Variants in SIPA1L2 observed in about 807,000 individuals in gnomAD.
The protein encoded by SIPA1L2 is signal induced proliferation associated 1 like 2, also known as signal-induced proliferation-associated 1-like protein 2.
SIPA1L2 carries 56 observed loss-of-function variants against 163.9 expected under a neutral mutation model. That is an observed-to-expected ratio of 0.34 (90% CI 0.28 to 0.43). The LOEUF is 0.43. Ranked by LOEUF, SIPA1L2 falls within the 20% of genes least tolerant of loss-of-function variation. The probability of loss-of-function intolerance (pLI) is 1.00; values close to 1 mark genes in which losing one functional copy is unlikely to be tolerated. For missense variants in SIPA1L2, 1,974 were observed against 2,193.5 expected (o/e 0.90, Z 2.00); for synonymous variants, 877 against 865.7 (o/e 1.01, Z -0.23).
At chr1:232,401,135 T>C (rs1660314375) in intron 22 of SIPA1L2, among the ~76,000 whole-genome samples, 1 of 152,136 alleles carries the variant, frequency 6.6e-6, no homozygotes, top group Non-Finnish European at 1.5e-5. Flanking sequence ...CTCGTCTTGA[T>C]TTCCCGTCTA....
At chr1:232,585,397 C>A (rs1036916131) in intron 1 of SIPA1L2, among the ~76,000 whole-genome samples, 1 of 152,158 alleles carries the variant, frequency 6.6e-6, no homozygotes, top group African/African-American at 2.4e-5. Context: ...AGGATCACCA[C>A]AGAACAATTC....
Position 232,399,139 on chromosome 1 carries a change from G to A in SIPA1L2, c.5157C>T (p.Asp1719=). Residue 1719 remains aspartate (D), a synonymous_variant, in exon 23 of 23, where the codon GAC becomes GAT. Coordinates refer to ENST00000674635, the MANE Select transcript of SIPA1L2 (RefSeq NM_020808.5). ...AGGTGCGGATTGGCTAAGATTTTTT[G>A]TCGATGGTGGTGAAAAACCATTCTG... The part of the protein sequence containing the change: ...KFTEWFFTTI[D]KKS The A allele has an allele frequency of 6.2e-7, 1 of 1,614,066 alleles. No individual in the cohort carries two copies.
intron 3 of SIPA1L2, among the ~76,000 whole-genome samples, chr1:232,501,536 G>A (rs1666481941): frequency 6.6e-6 from 1 of 152,102 alleles, no homozygotes; most frequent in African/African-American, 2.4e-5. Context: ...CCAAATAATG[G>A]GGTGGGGCTG....
intron 2 of SIPA1L2, among the ~76,000 whole-genome samples, chr1:232,544,946 G>A (rs1213658243): frequency 6.6e-6 from 1 of 152,066 alleles, no homozygotes; most frequent in Non-Finnish European, 1.5e-5. Flanking sequence ...CTTTTTAAAG[G>A]CGTTAACAGG....
intron 3 of SIPA1L2, among the ~76,000 whole-genome samples, chr1:232,513,502 G>A (rs1253982289): frequency 6.6e-6 from 1 of 152,154 alleles, no homozygotes; most frequent in Non-Finnish European, 1.5e-5. Flanking sequence ...TTATTCAGAG[G>A]AATAGGAGGA....
At chr1:232,552,151 G>C (rs12561929) in intron 2 of SIPA1L2, among the ~76,000 whole-genome samples, 12 of 152,236 alleles carry the variant, frequency 7.9e-5, no homozygotes, top group Non-Finnish European at 1.5e-4. Context: ...AGAATAGTAA[G>C]TTTTTAAGCC....
chr1:232,511,929 G>A (rs1666997799), intron 3 of SIPA1L2, among the ~76,000 whole-genome samples: 1 of 152,142 alleles, frequency 6.6e-6, no homozygotes, highest in Non-Finnish European at 1.5e-5. Flanking sequence ...TATCATCAGA[G>A]GCAACAGGCA....
intron 8 of SIPA1L2, among the ~76,000 whole-genome samples, chr1:232,468,954 G>A (rs1664661747): frequency 6.6e-6 from 1 of 152,190 alleles, no homozygotes. Context: ...TGGGGGTGTT[G>A]CCTCATTTCT....
At chr1:232,543,551 A>G (rs973123994) in intron 2 of SIPA1L2, among the ~76,000 whole-genome samples, 2 of 152,222 alleles carry the variant, frequency 1.3e-5, no homozygotes, top group Admixed American at 1.3e-4. Flanking sequence ...AGCTTACTGT[A>G]ATGCAAGACT....
At chr1:232,489,929 A>G (rs914882954) in intron 5 of SIPA1L2, among the ~76,000 whole-genome samples, 3 of 152,142 alleles carry the variant, frequency 2.0e-5, no homozygotes, top group Non-Finnish European at 4.4e-5. Context: ...CCTGTTCATC[A>G]TTAACTCTCT....
At chr1:232,431,242 AT>A (rs1414136012) in intron 16 of SIPA1L2, among the ~76,000 whole-genome samples, 2 of 152,154 alleles carry the variant, frequency 1.3e-5, no homozygotes, top group Non-Finnish European at 2.9e-5. Context: ...TCATTCTACC[AT>A]TTTCATTTAT....
At chr1:232,563,955 T>TTTTTG (rs1558270699) in intron 2 of SIPA1L2, among the ~76,000 whole-genome samples, 11 of 116,698 alleles carry the variant, frequency 9.4e-5, no homozygotes, top group African/African-American at 4.0e-4. Context: ...TTTTTTTTTT[T>TTTTTG]CGTGTGTGTG....
intron 1 of SIPA1L2, among the ~76,000 whole-genome samples, chr1:232,576,786 T>C (rs1573112049): frequency 6.6e-6 from 1 of 152,282 alleles, no homozygotes; most frequent in African/African-American, 2.4e-5. Context: ...AACAATCTCG[T>C]TGCTGATACG....
rs1339104962 is a variant in SIPA1L2 at position 232,445,839 on chromosome 1, G to T, written c.3096-53C>A. On this transcript the variant is annotated intron_variant, in intron 10 of 22. Transcript: ENST00000674635. ...AGGGAAGCTCTCAGCTGAGCTGTCA[G>T]CATGGCTTACTCACAGCTGGGCCCC... 3 of 1,577,864 alleles carry T rather than the reference G, an allele frequency of 1.9e-6. No homozygotes were observed. In the African/African-American group the frequency reaches 4.0e-5, roughly 21 times the overall value.
intron 1 of SIPA1L2, among the ~76,000 whole-genome samples, chr1:232,617,777 T>A (rs944614691): frequency 3.3e-5 from 5 of 152,164 alleles, no homozygotes; most frequent in African/African-American, 1.2e-4. Context: ...GCCATATGGG[T>A]GTATGCATTT....
In SIPA1L2 at chr1:232,552,706, A is replaced by G. The variant is rs1183375290; in HGVS notation, c.-270+21468T>C. Among the ~76,000 whole-genome samples the G allele has an allele frequency of 3.9e-5, 6 of 152,318 alleles. No individual in the cohort carries two copies. In the East Asian group the frequency reaches 1.2e-3, roughly 29 times the overall value. ...GTTGAATCAAAGAATGCTTAAGTGAATGGATTATATCTAGCAAATATAGTA... is the reference window on the plus strand; with the variant it reads ...GTTGAATCAAAGAATGCTTAAGTGAGTGGATTATATCTAGCAAATATAGTA... On this transcript the variant is annotated intron_variant, in intron 2 of 22. Coordinates refer to ENST00000674635, the MANE Select transcript of SIPA1L2 (RefSeq NM_020808.5).
chr1:232,428,850 T>C (rs1662056744), intron 16 of SIPA1L2, among the ~76,000 whole-genome samples: 1 of 152,104 alleles, frequency 6.6e-6, no homozygotes, highest in Non-Finnish European at 1.5e-5. Context: ...TACGGCTGTG[T>C]TTTCCCTTTC....
upstream of SIPA1L2, among the ~76,000 whole-genome samples, chr1:232,630,142 G>A (rs1197520356): frequency 6.6e-6 from 1 of 151,274 alleles, no homozygotes; most frequent in Non-Finnish European, 1.5e-5. Context: ...CTGCCGCGCC[G>A]GCTCCCGATG....
Position 232,515,102 on chromosome 1 carries a change from C to A in SIPA1L2, c.238G>T (p.Val80Leu). The change falls in exon 3 of 23, where the codon GTG becomes TTG. Residue 80 changes from valine to leucine, a missense_variant. Val to Leu is a conservative substitution (Grantham distance 32). Coordinates refer to ENST00000674635, the MANE Select transcript of SIPA1L2 (RefSeq NM_020808.5). ...TCCTTTTTAGGAGGCCATTCAGACA[C>A]CCTTGCTCTCACACCCATCTTGGGC... ...AVPKMGVRAR[V>L]SEWPPKKDCS... 6.2e-7 allele frequency: 1 copy of A among 1,614,010 alleles called. No homozygotes were observed. The highest frequency in any genetic ancestry group is 8.5e-7 in the Non-Finnish European group (1 of 1,179,936).
Sources: gnomAD v4.1 joint callset for allele counts (sites outside exome capture counted in the v4.1 genomes callset) on GRCh38, gnomAD v4.1.1 for gene constraint, MANE v1.5 for transcripts, NCBI Gene and HGNC (gene_info 2026-07-23, HGNC 2026-07-21) for gene names.